The following ZNF718 variants were observed in gnomAD, a reference collection of about 807,000 sequenced individuals.
The protein encoded by ZNF718 is zinc finger protein 718.
Under a neutral mutation model 2.6 loss-of-function variants are expected in ZNF718, and 3 were observed. The ratio of observed to expected loss-of-function variants is 1.16; its 90% CI spans 0.53 to 3.01. ZNF718 has a LOEUF of 3.01. Ranked by LOEUF, ZNF718 falls within the 30% of genes most tolerant of loss-of-function variation. The probability of loss-of-function intolerance (pLI) is 0.03; values close to 1 mark genes in which losing one functional copy is unlikely to be tolerated. For synonymous variants in ZNF718, 135 were observed against 77.9 expected (o/e 1.73, Z -3.86); for missense variants, 468 against 230.0 (o/e 2.03, Z -6.69).
intron 3 of ZNF718, among the ~76,000 whole-genome samples, chr4:134,440 A>G (rs547264880): frequency 6.6e-6 from 1 of 152,274 alleles, no homozygotes; most frequent in South Asian, 2.1e-4. Context: ...CACCGTGCCC[A>G]GCCAATCAGT....
intron 3 of ZNF718, among the ~76,000 whole-genome samples, chr4:143,466 G>T (rs945059342): frequency 6.6e-6 from 1 of 152,182 alleles, no homozygotes; most frequent in Non-Finnish European, 1.5e-5. Flanking sequence ...GATTACAGGC[G>T]TGAGCCAGTG....
At chr4:199,360 C>T (rs781905589) in intron 3 of ZNF718, among the ~76,000 whole-genome samples, 10 of 152,358 alleles carry the variant, frequency 6.6e-5, no homozygotes, top group African/African-American at 1.2e-4. Context: ...ATGTGAATGA[C>T]TGATAGCAAC....
intron 3 of ZNF718, among the ~76,000 whole-genome samples, chr4:196,404 T>A (rs1420095827): frequency 2.0e-5 from 3 of 152,178 alleles, no homozygotes; most frequent in African/African-American, 7.2e-5. Flanking sequence ...AGACGCAGTG[T>A]AGAGCTTCCT....
intron 3 of ZNF718, among the ~76,000 whole-genome samples, chr4:143,795 A>G (rs1553810660): frequency 3.9e-5 from 6 of 152,140 alleles, no homozygotes; most frequent in Non-Finnish European, 8.8e-5. Context: ...ACCCCTGGCC[A>G]TCAAGAAACT....
At chr4:186,305 T>C (rs1412060452) in intron 3 of ZNF718, among the ~76,000 whole-genome samples, 2 of 152,182 alleles carry the variant, frequency 1.3e-5, no homozygotes, top group Non-Finnish European at 2.9e-5. Flanking sequence ...ATGTTGAATA[T>C]TGGCCCCCAA....
intron 3 of ZNF718, among the ~76,000 whole-genome samples, chr4:152,515 C>G (rs1037564203): frequency 2.0e-5 from 3 of 150,238 alleles, no homozygotes; most frequent in Admixed American, 1.3e-4. Context: ...ACATCTTGCA[C>G]CGCCCTTAAT....
chr4:186,927 G>A (rs138323894), intron 3 of ZNF718, among the ~76,000 whole-genome samples: 4 of 152,284 alleles, frequency 2.6e-5, no homozygotes, highest in African/African-American at 9.6e-5. Context: ...TTCAGCCTCA[G>A]CCCAGTTCTG....
chr4:157,682 T>A (rs1716637278), intron 3 of ZNF718, among the ~76,000 whole-genome samples: 1 of 152,192 alleles, frequency 6.6e-6, no homozygotes, highest in Non-Finnish European at 1.5e-5. Context: ...CTCTTTCCAG[T>A]TTGGTCATAA....
chr4:194,180 T>C (rs1284666057), intron 3 of ZNF718, among the ~76,000 whole-genome samples: 1 of 152,186 alleles, frequency 6.6e-6, no homozygotes, highest in Non-Finnish European at 1.5e-5. Context: ...TCTTGAAGTA[T>C]TTTTCTAATG....
exon 5 of ZNF718, chr4:202,007 C>G: frequency 6.3e-6 from 1 of 157,576 alleles, no homozygotes. Context: ...CATGCTTTGG[C>G]TGTGTCTCCA....
intron 3 of ZNF718, among the ~76,000 whole-genome samples, chr4:135,756 A>ATATAT (rs1581426330): frequency 2.8e-5 from 4 of 143,704 alleles, no homozygotes; most frequent in South Asian, 2.2e-4. Flanking sequence ...ATGATTATAT[A>ATATAT]ATCTACAGAC....
In ZNF718 at chr4:162,867, T is replaced by G. The variant is rs1716959762; in HGVS notation, c.*745T>G. The G allele has an allele frequency of 6.6e-6, 1 of 152,180 alleles. No individual in the cohort carries two copies. The highest frequency in any genetic ancestry group is 2.1e-4 in the South Asian group (1 of 4,830). 9.4% of individuals were successfully genotyped at this position (152,180 alleles called of 1,614,324 possible). On this transcript the variant is annotated 3_prime_UTR_variant, in exon 4 of 4. Transcript: ENST00000510175. ...AAGATAGTCTGAAATTAAGACTAAA[T>G]GTCAGAATATTTACAGTAGAAAGAA...
chr4:124,528 C>A lies in ZNF718; in HGVS notation c.-143C>A. 8.4e-7 allele frequency: 1 copy of A among 1,185,286 alleles called. No individual in the cohort carries two copies. The highest frequency in any genetic ancestry group is 1.2e-6 in the Non-Finnish European group (1 of 813,104). 73.4% of individuals were successfully genotyped at this position (1,185,286 alleles called of 1,614,324 possible). A position where few individuals can be genotyped will look rare whatever the true frequency, so the allele number is the denominator to read the frequency against. On this transcript the variant is annotated 5_prime_UTR_variant, in exon 1 of 4. Transcript: ENST00000510175. ...CTTTTGCTTGTAGCTCCAGCCAGAG[C>A]TCGGTTAGGGCCTCATCGCTCTGCT...
chr4:129,953 A>C (rs1715312228), intron 1 of ZNF718, among the ~76,000 whole-genome samples: 1 of 105,168 alleles, frequency 9.5e-6, no homozygotes, highest in Non-Finnish European at 2.1e-5. Flanking sequence ...TACATGCTCT[A>C]TAAAGATTGC....
chr4:145,843 A>G (rs1462111799), intron 3 of ZNF718, among the ~76,000 whole-genome samples: 1 of 152,074 alleles, frequency 6.6e-6, no homozygotes, highest in Non-Finnish European at 1.5e-5. Context: ...GAGTCCCGCT[A>G]TATTGACCAG....
intron 3 of ZNF718, among the ~76,000 whole-genome samples, chr4:196,591 A>G (rs2108818344): frequency 6.6e-6 from 1 of 152,312 alleles, no homozygotes; most frequent in South Asian, 2.1e-4. Context: ...GTAGGGGTGC[A>G]TGCATAGGCA....
At chr4:167,341 T>C (rs1717113614), downstream of ZNF718, among the ~76,000 whole-genome samples, 1 of 152,204 alleles carries the variant, frequency 6.6e-6, no homozygotes, top group African/African-American at 2.4e-5. Context: ...GTGCTCTTTT[T>C]TGGTTCCATA....
intron 1 of ZNF718, chr4:124,910 G>A (rs1381698146): frequency 2.1e-6 from 1 of 482,242 alleles, no homozygotes. Context: ...GCTGTGGAGT[G>A]AGTAGGAGCT....
rs1369732843 is a variant in ZNF718 at position 162,244 on chromosome 4, C to T, written c.*122C>T. 3.6e-6 allele frequency: 2 copies of T among 555,180 alleles called. No homozygotes were observed. The highest frequency in any genetic ancestry group is 3.3e-6 in the Non-Finnish European group (1 of 307,310). 34.4% of individuals were successfully genotyped at this position (555,180 alleles called of 1,614,324 possible). ...GCTTTTAACCGCAACTCAATCTGTT[C>T]TAAACATAAGAGAAATGGTATTGGT... On this transcript the variant is annotated 3_prime_UTR_variant, in exon 4 of 4. Coordinates refer to ENST00000510175, the MANE Select transcript of ZNF718 (RefSeq NM_001039127.6).
Sources: gnomAD v4.1 joint callset for allele counts (sites outside exome capture counted in the v4.1 genomes callset) on GRCh38, gnomAD v4.1.1 for gene constraint, MANE v1.5 for transcripts, NCBI Gene and HGNC (gene_info 2026-07-23, HGNC 2026-07-21) for gene names.